PPAT: variants seen among roughly 807,000 people sequenced by gnomAD.
PPAT encodes the protein amidophosphoribosyltransferase.
A neutral mutation model predicts 60.2 loss-of-function variants in PPAT; 20 were observed. The observed-to-expected ratio is 0.33, with a 90% CI of 0.23 to 0.48. PPAT has a LOEUF of 0.48. Ranked by LOEUF, PPAT falls within the 20% of genes least tolerant of loss-of-function variation. The probability of loss-of-function intolerance (pLI) is 0.99; values close to 1 mark genes in which losing one functional copy is unlikely to be tolerated. For missense variants in PPAT, 349 were observed against 629.6 expected (o/e 0.55, Z 4.77); for synonymous variants, 194 against 215.1 (o/e 0.90, Z 0.86).
At chr4:56,433,376 C>CATTTA (rs2110071801) in intron 1 of PPAT, among the ~76,000 whole-genome samples, 1 of 141,036 alleles carries the variant, frequency 7.1e-6, no homozygotes, top group East Asian at 2.0e-4. Flanking sequence ...TATATGTAAC[C>CATTTA]AGGAATCAAA....
intron 1 of PPAT, chr4:56,422,001 TGG>T (rs1168889437): frequency 6.6e-6 from 1 of 152,276 alleles, no homozygotes; most frequent in Non-Finnish European, 1.5e-5. Context: ...CCAGGCGTTG[TGG>T]CTCATGCCTC....
At chr4:56,401,505 G>C (rs754667221) in intron 6 of PPAT, 24 bp from the exon 7 acceptor site, 1 of 1,563,550 alleles carries the variant, frequency 6.4e-7, no homozygotes, top group Non-Finnish European at 8.7e-7. Context: ...GTTAAAGAAA[G>C]AAGACTTTTA....
rs1715903175 is a variant in PPAT, at chr4:56,394,109, T to G, written c.*1243A>C. 6.6e-6 allele frequency: 1 copy of G among 152,202 alleles called. No individual in the cohort carries two copies. Among genetic ancestry groups the G allele is most frequent in the African/African-American group, 2.4e-5 (1 of 41,458 alleles). The allele number at this position is 152,202 out of a possible 1,614,324, so 9.4% of individuals were successfully genotyped here. A position where few individuals can be genotyped will look rare whatever the true frequency, so the allele number is the denominator to read the frequency against. Reference sequence around the variant, plus strand: ...ACTTTTATGTTTAAAAATTCTTACATAAACAAAGGTTTGGGGTCAAGTCAT... The same window carrying G: ...ACTTTTATGTTTAAAAATTCTTACAGAAACAAAGGTTTGGGGTCAAGTCAT... On this transcript the variant is annotated 3_prime_UTR_variant, in exon 11 of 11. Transcript: ENST00000264220.
At position 56,435,521 on chromosome 4, in the gene PPAT, G is replaced by C. The variant is rs1234026594; in HGVS notation, c.-44C>G. The C allele has an allele frequency of 1.2e-6, 2 of 1,612,166 alleles. No individual in the cohort carries two copies. The highest frequency in any genetic ancestry group is 1.7e-5 in the Admixed American group (1 of 60,010). On this transcript the variant is annotated 5_prime_UTR_variant, in exon 1 of 11. Transcript: ENST00000264220. ...TGGAAGGACCTGCCGCTGCGGCCAA[G>C]GTGTAAGCACCAACCAGCTGCCAGC...
chr4:56,435,543 C>T lies in PPAT; in HGVS notation c.-66G>A. The T allele has an allele frequency of 6.2e-7, 1 of 1,608,854 alleles. No individual in the cohort carries two copies. The highest frequency in any genetic ancestry group is 8.5e-7 in the Non-Finnish European group (1 of 1,177,772). Reference sequence around the variant, plus strand: ...CAAGGTGTAAGCACCAACCAGCTGCCAGCTCGGCCCGTCGAGCTCAGAAGC... The same window carrying T: ...CAAGGTGTAAGCACCAACCAGCTGCTAGCTCGGCCCGTCGAGCTCAGAAGC... On this transcript the variant is annotated 5_prime_UTR_variant, in exon 1 of 11. Coordinates refer to ENST00000264220, the MANE Select transcript of PPAT (RefSeq NM_002703.5).
chr4:56,403,419 G>A lies in PPAT; in HGVS notation c.403-18C>T, dbSNP rs766375635. On this transcript the variant is annotated intron_variant, in intron 3 of 10. Transcript: ENST00000264220. Reference sequence around the variant, plus strand: ...CGCAGAAGCTATATAGAAAAAAAGAGAAGTTTAATCATCAGAGGGGAAGCT... The same window carrying A: ...CGCAGAAGCTATATAGAAAAAAAGAAAAGTTTAATCATCAGAGGGGAAGCT... The A allele has an allele frequency of 1.9e-6, 3 of 1,571,044 alleles. No individual in the cohort carries two copies. The African/African-American group carries it at 4.2e-5, about 22-fold the overall frequency.
intron 1 of PPAT, among the ~76,000 whole-genome samples, chr4:56,431,016 G>C (rs1717555190): frequency 6.6e-6 from 1 of 151,918 alleles, no homozygotes; most frequent in African/African-American, 2.4e-5. Flanking sequence ...GTTATAAATG[G>C]AAGGATTGAA....
chr4:56,426,815 T>G (rs1472795628), intron 1 of PPAT, among the ~76,000 whole-genome samples: 1 of 152,202 alleles, frequency 6.6e-6, no homozygotes, highest in African/African-American at 2.4e-5. Flanking sequence ...TTCACGTTGT[T>G]GTGCAAACAT....
chr4:56,403,681 A>C (rs1244556420), intron 3 of PPAT, among the ~76,000 whole-genome samples: 1 of 152,218 alleles, frequency 6.6e-6, no homozygotes, highest in Admixed American at 6.5e-5. Flanking sequence ...ACTGTAATAT[A>C]TAATGAAATA....
intron 8 of PPAT, chr4:56,399,930 A>G (rs1304056283): frequency 6.6e-6 from 1 of 152,522 alleles, no homozygotes; most frequent in Admixed American, 6.5e-5. Flanking sequence ...ATGAAAATAA[A>G]GCGTAACACT....
intron 1 of PPAT, among the ~76,000 whole-genome samples, chr4:56,431,867 G>GC (rs1379521389): frequency 6.6e-6 from 1 of 152,202 alleles, no homozygotes; most frequent in Non-Finnish European, 1.5e-5. Context: ...GACCAAAACA[G>GC]CATTTGGTGA....
At chr4:56,431,667 A>G (rs1717591167) in intron 1 of PPAT, 2 of 221,122 alleles carry the variant, frequency 9.0e-6, no homozygotes. Context: ...AATCAAGGAA[A>G]GGCTAATTAG....
chr4:56,399,814 T>G (rs1716069279), intron 8 of PPAT: 1 of 158,992 alleles, frequency 6.3e-6, no homozygotes, highest in African/African-American at 2.4e-5. Flanking sequence ...TAATCTTTTC[T>G]AAAATGTATG....
intron 1 of PPAT, chr4:56,420,339 A>G (rs906819846): frequency 6.6e-6 from 1 of 152,326 alleles, no homozygotes; most frequent in Admixed American, 6.5e-5. Context: ...TCAAGTGTAT[A>G]ATTTTCCACA....
intron 1 of PPAT, chr4:56,420,717 A>C (rs955822220): frequency 1.3e-5 from 2 of 152,240 alleles, no homozygotes; most frequent in Non-Finnish European, 2.9e-5. Flanking sequence ...AAATAGAAAA[A>C]GGGCATTGAA....
intron 6 of PPAT, 38 bp downstream of exon 6, chr4:56,402,071 A>G (rs769945468): frequency 6.8e-7 from 1 of 1,467,948 alleles, no homozygotes; most frequent in Non-Finnish European, 9.3e-7. Context: ...TCTTTTCAAC[A>G]TGGGAAAATA....
rs1029315025 is a variant in PPAT at position 56,397,681 on chromosome 4, CAT to C, written c.1237-944_1237-943del. The stretch of plus-strand genomic sequence containing the variant: ...ATAACTTAATATATCTATATAAAAA[CAT>C]GTACACAATAAATATATACATTTGT... On this transcript the variant is annotated intron_variant, in intron 9 of 10. Transcript: ENST00000264220. Among the ~76,000 whole-genome samples, 91 of 151,900 alleles carry C rather than the reference CAT, an allele frequency of 6.0e-4. 1 individual carries two copies. The highest frequency in any genetic ancestry group is 1.6e-4 in the Non-Finnish European group (11 of 67,980).
intron 9 of PPAT, among the ~76,000 whole-genome samples, chr4:56,398,198 G>A (rs933641775): frequency 2.0e-5 from 3 of 152,070 alleles, no homozygotes; most frequent in African/African-American, 7.2e-5. Flanking sequence ...GTGAAACCCC[G>A]TCTCTGCTAA....
At chr4:56,412,992 A>G (rs971035893) in intron 1 of PPAT, among the ~76,000 whole-genome samples, 2 of 120,360 alleles carry the variant, frequency 1.7e-5, no homozygotes, top group African/African-American at 6.2e-5. Flanking sequence ...TGGTTCCATA[A>G]TATTTAACTG....
Sources: gnomAD v4.1 joint callset for allele counts (sites outside exome capture counted in the v4.1 genomes callset) on GRCh38, gnomAD v4.1.1 for gene constraint, MANE v1.5 for transcripts, NCBI Gene and HGNC (gene_info 2026-07-23, HGNC 2026-07-21) for gene names.